ZNRF2: variants seen among roughly 807,000 people sequenced by gnomAD.
ZNRF2 encodes the protein zinc and ring finger 2, also known as E3 ubiquitin-protein ligase ZNRF2.
In ZNRF2, 16 loss-of-function variants were observed where a neutral mutation model predicts 20.4. That is an observed-to-expected ratio of 0.79 (90% CI 0.53 to 1.19). ZNRF2 has a LOEUF of 1.19. Ranked by LOEUF, ZNRF2 falls within the 50% of genes most tolerant of loss-of-function variation. The probability of loss-of-function intolerance (pLI) is 0.00; values close to 1 mark genes in which losing one functional copy is unlikely to be tolerated. For synonymous variants in ZNRF2, 178 were observed against 144.9 expected, an observed-to-expected ratio of 1.23 and a Z score of -1.64; for missense variants, 363 against 332.4, an observed-to-expected ratio of 1.09 and a Z score of -0.72.
chr7:30,334,978 G>T (rs1464809915), intron 2 of ZNRF2, among the ~76,000 whole-genome samples: 2 of 152,024 alleles, frequency 1.3e-5, no homozygotes, highest in Admixed American at 1.3e-4. Context: ...ATGTATTTAT[G>T]TTGAGGTACT....
chr7:30,336,579 AT>A (rs1037667637), intron 2 of ZNRF2, among the ~76,000 whole-genome samples: 17 of 152,232 alleles, frequency 1.1e-4, no homozygotes, highest in East Asian at 3.9e-4. Context: ...TGAGATTTTA[AT>A]TTTTTTGTTA....
At chr7:30,295,030 A>G (rs1479927660) in intron 1 of ZNRF2, among the ~76,000 whole-genome samples, 43 of 101,946 alleles carry the variant, frequency 4.2e-4, no homozygotes, top group African/African-American at 1.9e-3. Flanking sequence ...AGAGAGAGAG[A>G]GAGAGAGAGA....
chr7:30,355,799 G>T lies in ZNRF2; in HGVS notation c.637G>T (p.Ala213Ser). The T allele has an allele frequency of 6.2e-7, 1 of 1,613,438 alleles. No homozygotes were observed. Among genetic ancestry groups the T allele is most frequent in the Non-Finnish European group, 8.5e-7 (1 of 1,179,624 alleles). Reference protein sequence around the residue: ...LEELQQGDTIARLPCLCIYHK... With the variant: ...LEELQQGDTISRLPCLCIYHK... ...AGAATTGCAGCAGGGAGATACTATAGCACGACTGCCTTGTCTATGCATATA... is the reference window on the plus strand; with the variant it reads ...AGAATTGCAGCAGGGAGATACTATATCACGACTGCCTTGTCTATGCATATA... The change falls in exon 3 of 5, where the codon GCA (alanine) becomes TCA (serine). Residue 213 changes from alanine to serine, a missense_variant. This residue lies in a region of ZNRF2 where 61 missense variants were observed against 100.9 expected (regional missense o/e 0.60). Coordinates refer to ENST00000323037, the MANE Select transcript of ZNRF2 (RefSeq NM_147128.4).
chr7:30,361,876 T>A (rs1800132309), intron 3 of ZNRF2, among the ~76,000 whole-genome samples: 1 of 152,204 alleles, frequency 6.6e-6, no homozygotes, highest in Non-Finnish European at 1.5e-5. Flanking sequence ...AAATGATTAA[T>A]GTATATTTAT....
intron 2 of ZNRF2, among the ~76,000 whole-genome samples, chr7:30,337,599 C>G (rs1390611865): frequency 2.6e-5 from 4 of 152,098 alleles, no homozygotes; most frequent in Non-Finnish European, 5.9e-5. Context: ...GACATTGTCT[C>G]TGTTTTCCAG....
At chr7:30,347,523 C>T (rs115592010) in intron 2 of ZNRF2, among the ~76,000 whole-genome samples, 2 of 151,974 alleles carry the variant, frequency 1.3e-5, no homozygotes, top group Non-Finnish European at 2.9e-5. Context: ...TTTCCCAAAT[C>T]AATGTGTTTT....
In ZNRF2 at chr7:30,285,415, G is replaced by A; in HGVS notation, c.58G>A (p.Gly20Ser). ...TAACGGCCGCACGCGCGCGTACTCG[G>A]GCTCGGATCTACCTTCCAGTAGCAG... Reference protein sequence around the residue: ...AANGRTRAYSGSDLPSSSSGG... With the variant: ...AANGRTRAYSSSDLPSSSSGG... The change falls in exon 1 of 5, where the codon GGC (glycine) becomes AGC (serine). Residue 20 changes from glycine (G) to serine (S), a missense_variant. Gly to Ser is a moderately conservative substitution (Grantham distance 56). Transcript: ENST00000323037. 2 of 1,252,784 alleles carry A rather than the reference G, an allele frequency of 1.6e-6. No individual in the cohort carries two copies. The highest frequency in any genetic ancestry group is 2.0e-6 in the Non-Finnish European group (2 of 983,000). 77.6% of individuals were successfully genotyped at this position (1,252,784 alleles called of 1,614,324 possible).
At chr7:30,354,426 T>G (rs954173994) in intron 2 of ZNRF2, among the ~76,000 whole-genome samples, 3 of 152,160 alleles carry the variant, frequency 2.0e-5, no homozygotes, top group African/African-American at 7.2e-5. Context: ...CATCTCCTGG[T>G]ATCTTCTCTT....
intron 1 of ZNRF2, among the ~76,000 whole-genome samples, chr7:30,297,327 T>A (rs894036217): frequency 1.3e-5 from 2 of 152,216 alleles, no homozygotes; most frequent in African/African-American, 4.8e-5. Context: ...TTTGCCTGCC[T>A]CTCTCTTATG....
chr7:30,291,487 T>TG (rs1798909762), intron 1 of ZNRF2, among the ~76,000 whole-genome samples: 1 of 152,182 alleles, frequency 6.6e-6, no homozygotes, highest in Non-Finnish European at 1.5e-5. Context: ...ATATAACTGA[T>TG]AGAAGATGCC....
At chr7:30,306,173 T>G (rs1799201333) in intron 1 of ZNRF2, among the ~76,000 whole-genome samples, 1 of 152,226 alleles carries the variant, frequency 6.6e-6, no homozygotes, top group Non-Finnish European at 1.5e-5. Flanking sequence ...CTAACACTCT[T>G]ACTATCAAAA....
chr7:30,310,342 T>A (rs1799272792), intron 1 of ZNRF2, among the ~76,000 whole-genome samples: 1 of 152,230 alleles, frequency 6.6e-6, no homozygotes, highest in Admixed American at 6.5e-5. Context: ...TTTTCTTTCC[T>A]CTTTTGAAAC....
intron 3 of ZNRF2, among the ~76,000 whole-genome samples, chr7:30,356,441 G>A (rs1203690649): frequency 6.6e-6 from 1 of 152,070 alleles, no homozygotes; most frequent in Non-Finnish European, 1.5e-5. Flanking sequence ...AAATATATCA[G>A]TTATAATAAA....
chr7:30,345,102 T>C (rs1358214819), intron 2 of ZNRF2, among the ~76,000 whole-genome samples: 1 of 152,208 alleles, frequency 6.6e-6, no homozygotes, highest in African/African-American at 2.4e-5. Context: ...CCTTTCAATA[T>C]GTAGATCTAG....
At position 30,307,326 on chromosome 7, in the gene ZNRF2, G is replaced by GTTT. The variant is rs78007797; in HGVS notation, c.470-16294_470-16292dup. Among the ~76,000 whole-genome samples the GTTT allele has an allele frequency of 9.0e-4, 39 of 43,228 alleles. 1 individual carries two copies. Among genetic ancestry groups the GTTT allele is most frequent in the East Asian group, 1.9e-3 (2 of 1,078 alleles). 28.4% of individuals were successfully genotyped at this position (43,228 alleles called of 152,430 possible). A position where few individuals can be genotyped will look rare whatever the true frequency, so the allele number is the denominator to read the frequency against. On this transcript the variant is annotated intron_variant, in intron 1 of 4. Coordinates refer to ENST00000323037, the MANE Select transcript of ZNRF2 (RefSeq NM_147128.4). The stretch of plus-strand genomic sequence containing the variant: ...TGTCTTCTTTCTGCTGTTTTTTTTT[G>GTTT]TTTTTTTTTTTTTTTTTTTTTTTTG...
At chr7:30,317,281 CT>C (rs1019737428) in intron 1 of ZNRF2, among the ~76,000 whole-genome samples, 1 of 152,056 alleles carries the variant, frequency 6.6e-6, no homozygotes, top group African/African-American at 2.4e-5. Flanking sequence ...TATGCAATTT[CT>C]GCCCCACAGG....
At position 30,285,427 on chromosome 7, in the gene ZNRF2, C is replaced by T. The variant is rs913585707; in HGVS notation, c.70C>T (p.Pro24Ser). ...RTRAYSGSDLPSSSSGGANGT... is the reference protein window; with the variant it reads ...RTRAYSGSDLSSSSSGGANGT... ...GCGCGCGTACTCGGGCTCGGATCTACCTTCCAGTAGCAGCGGAGGCGCCAA... is the reference window on the plus strand; with the variant it reads ...GCGCGCGTACTCGGGCTCGGATCTATCTTCCAGTAGCAGCGGAGGCGCCAA... The change falls in exon 1 of 5, where the codon CCT (proline) becomes TCT (serine). Residue 24 changes from proline (P) to serine (S), a missense_variant. Pro to Ser is a moderately conservative substitution (Grantham distance 74). Coordinates refer to ENST00000323037, the MANE Select transcript of ZNRF2 (RefSeq NM_147128.4). 8.1e-5 allele frequency: 99 copies of T among 1,224,656 alleles called. No homozygotes were observed. Among genetic ancestry groups the T allele is most frequent in the Non-Finnish European group, 9.9e-5 (96 of 969,252 alleles). The allele number at this position is 1,224,656 out of a possible 1,614,324, so 75.9% of individuals were successfully genotyped here. A position where few individuals can be genotyped will look rare whatever the true frequency, so the allele number is the denominator to read the frequency against.
chr7:30,350,046 T>C (rs908368225), intron 2 of ZNRF2, among the ~76,000 whole-genome samples: 1 of 152,094 alleles, frequency 6.6e-6, no homozygotes, highest in Non-Finnish European at 1.5e-5. Flanking sequence ...TGACTACTTG[T>C]GGCTTGTTAG....
intron 2 of ZNRF2, among the ~76,000 whole-genome samples, chr7:30,328,676 C>T (rs912519046): frequency 2.0e-5 from 3 of 152,122 alleles, no homozygotes; most frequent in Non-Finnish European, 4.4e-5. Flanking sequence ...TTCAGACTAG[C>T]TCACCAAAAC....
Sources: gnomAD v4.1 joint callset for allele counts (sites outside exome capture counted in the v4.1 genomes callset) on GRCh38, gnomAD v4.1.1 for gene constraint, gnomAD v4.1.1 regional missense constraint, MANE v1.5 for transcripts, NCBI Gene and HGNC (gene_info 2026-07-23, HGNC 2026-07-21) for gene names.